MEI4: variants seen among roughly 807,000 people sequenced by gnomAD.
The protein encoded by MEI4 is meiosis-specific protein MEI4.
MEI4 carries 27 observed loss-of-function variants against 31.4 expected under a neutral mutation model. The ratio of observed to expected loss-of-function variants is 0.86; its 90% CI spans 0.63 to 1.19. The LOEUF is 1.19. MEI4 is among the 50% of genes most tolerant of loss of function. The pLI is 0.00. For synonymous variants in MEI4, 122 were observed against 145.4 expected, an observed-to-expected ratio of 0.84 and a Z score of 1.16; for missense variants, 329 against 398.9, an observed-to-expected ratio of 0.82 and a Z score of 1.49.
At chr6:77,743,001 C>T (rs1402261629) in intron 2 of MEI4, among the ~76,000 whole-genome samples, 1 of 151,956 alleles carries the variant, frequency 6.6e-6, no homozygotes, top group South Asian at 2.1e-4. Context: ...GGTACCAGTA[C>T]CATGCTGTTT....
At chr6:77,804,425 G>A (rs1395734681) in intron 3 of MEI4, among the ~76,000 whole-genome samples, 1 of 152,186 alleles carries the variant, frequency 6.6e-6, no homozygotes, top group African/African-American at 2.4e-5. Flanking sequence ...GCCTCGCTTT[G>A]CTTTGGCTCA....
chr6:77,912,956 A>G (rs1387242213), intron 4 of MEI4, among the ~76,000 whole-genome samples: 2 of 152,096 alleles, frequency 1.3e-5, no homozygotes, highest in Non-Finnish European at 2.9e-5. Context: ...AGTATCATAT[A>G]TGGCCTTTAT....
intron 4 of MEI4, among the ~76,000 whole-genome samples, chr6:77,841,335 T>TATATATA (rs1447791713): frequency 1.1e-3 from 23 of 21,258 alleles, no homozygotes; most frequent in Admixed American, 1.9e-3. Context: ...ATATATATAT[T>TATATATA]TTTTTTTTTT....
intron 4 of MEI4, among the ~76,000 whole-genome samples, chr6:77,848,948 T>TA (rs1216555014): frequency 2.0e-5 from 3 of 152,080 alleles, no homozygotes; most frequent in South Asian, 2.1e-4. Flanking sequence ...CAGGGATACT[T>TA]AGAGTTTAAT....
chr6:77,784,358 T>C (rs1007811358), intron 3 of MEI4, among the ~76,000 whole-genome samples: 1 of 152,182 alleles, frequency 6.6e-6, no homozygotes, highest in Non-Finnish European at 1.5e-5. Flanking sequence ...TAATTTAAGC[T>C]GTTACTGAGG....
intron 2 of MEI4, among the ~76,000 whole-genome samples, chr6:77,709,720 A>G (rs1046032396): frequency 1.3e-5 from 2 of 152,130 alleles, no homozygotes; most frequent in Non-Finnish European, 2.9e-5. Context: ...TCTCTCTGTA[A>G]AACAGTATTT....
intron 4 of MEI4, among the ~76,000 whole-genome samples, chr6:77,851,473 G>A (rs1173012599): frequency 2.0e-5 from 3 of 152,042 alleles, no homozygotes; most frequent in Non-Finnish European, 2.9e-5. Flanking sequence ...ATGAGTTCAT[G>A]TCCTTTGTAG....
At chr6:77,663,728 G>T (rs1768560435) in intron 1 of MEI4, among the ~76,000 whole-genome samples, 1 of 152,094 alleles carries the variant, frequency 6.6e-6, no homozygotes, top group South Asian at 2.1e-4. Flanking sequence ...TTAAGAAGGG[G>T]ACGGGCTTAC....
intron 4 of MEI4, among the ~76,000 whole-genome samples, chr6:77,846,877 C>T (rs1169774631): frequency 6.6e-6 from 1 of 152,130 alleles, no homozygotes; most frequent in African/African-American, 2.4e-5. Context: ...CCCCTCAATC[C>T]CCCACCCTGT....
chr6:77,663,565 A>G (rs577255546), intron 1 of MEI4, among the ~76,000 whole-genome samples: 2 of 152,254 alleles, frequency 1.3e-5, no homozygotes, highest in African/African-American at 4.8e-5. Flanking sequence ...ATTAAAAAGG[A>G]GTGCTTAAAA....
chr6:77,816,487 C>T (rs1012802433), intron 3 of MEI4, among the ~76,000 whole-genome samples: 8 of 151,864 alleles, frequency 5.3e-5, no homozygotes, highest in South Asian at 4.1e-4. Flanking sequence ...TTTTTATGGC[C>T]GCATAGTATT....
chr6:77,888,943 C>A (rs1771690082), intron 4 of MEI4, among the ~76,000 whole-genome samples: 5 of 152,154 alleles, frequency 3.3e-5, no homozygotes, highest in Admixed American at 3.3e-4. Context: ...AGCACCTCTA[C>A]TTCCAGCTGT....
intron 4 of MEI4, among the ~76,000 whole-genome samples, chr6:77,896,088 C>A (rs1004821407): frequency 2.0e-5 from 3 of 151,920 alleles, no homozygotes; most frequent in Admixed American, 2.0e-4. Context: ...GGTTGACAGC[C>A]CCATAATTTA....
intron 2 of MEI4, among the ~76,000 whole-genome samples, chr6:77,757,258 T>C (rs1391008586): frequency 1.3e-5 from 2 of 152,250 alleles, no homozygotes; most frequent in Non-Finnish European, 2.9e-5. Flanking sequence ...CTTGATATTT[T>C]GACTTTAACA....
intron 1 of MEI4, among the ~76,000 whole-genome samples, chr6:77,675,705 G>C (rs1008176483): frequency 1.3e-5 from 2 of 151,990 alleles, no homozygotes; most frequent in Admixed American, 6.6e-5. Flanking sequence ...TGAGAGTTTA[G>C]GGAGGGAAAA....
rs570185624 is a variant in MEI4, at chr6:77,883,717, G to GATATATATATATATATATATATAT, written c.901-39368_901-39345dup. Among the ~76,000 whole-genome samples the GATATATATATATATATATATATAT allele has an allele frequency of 5.1e-3, 221 of 43,182 alleles. 5 individuals carry two copies. The highest frequency in any genetic ancestry group is 0.013 in the East Asian group (9 of 700). The allele number at this position is 43,182 out of a possible 152,430, so 28.3% of individuals were successfully genotyped here. A position where few individuals can be genotyped will look rare whatever the true frequency, so the allele number is the denominator to read the frequency against. On this transcript the variant is annotated intron_variant, in intron 4 of 4. Transcript: ENST00000684080. ...TATGCAATGAAATGCTATTATGTAA[G>GATATATATATATATATATATATAT]ATATATATATATATATATATATATA...
At chr6:77,876,481 C>T (rs114637223) in intron 4 of MEI4, among the ~76,000 whole-genome samples, 268 of 152,256 alleles carry the variant, frequency 1.8e-3, no homozygotes, top group African/African-American at 5.8e-3. Context: ...TGCTCCTGGA[C>T]TTCCCAGCCT....
chr6:77,822,876 C>T (rs1471414174), intron 3 of MEI4, among the ~76,000 whole-genome samples: 2 of 151,968 alleles, frequency 1.3e-5, no homozygotes, highest in East Asian at 3.9e-4. Flanking sequence ...CCTGCCTTGG[C>T]CTCCCAAAGT....
intron 3 of MEI4, among the ~76,000 whole-genome samples, chr6:77,802,746 G>T (rs572823302): frequency 6.6e-6 from 1 of 152,248 alleles, no homozygotes; most frequent in East Asian, 1.9e-4. Flanking sequence ...AGTTTATCTG[G>T]ATATGAAATT....
Sources: allele counts gnomAD v4.1 joint callset (sites outside exome capture counted in the v4.1 genomes callset), GRCh38; gene constraint gnomAD v4.1.1; transcripts MANE v1.5; gene names NCBI Gene and HGNC (gene_info 2026-07-23, HGNC 2026-07-21).